SLC8A3: variants seen among roughly 807,000 people sequenced by gnomAD.
SLC8A3 encodes solute carrier family 8 member A3, also known as sodium/calcium exchanger 3.
In SLC8A3, 37 loss-of-function variants were observed where a neutral mutation model predicts 65.4. That is an observed-to-expected ratio of 0.57 (90% CI 0.44 to 0.74). The LOEUF (loss-of-function observed/expected upper bound fraction) is 0.74. Ranked by LOEUF, SLC8A3 falls within the 30% of genes least tolerant of loss-of-function variation. The probability of loss-of-function intolerance (pLI) is 0.00; values close to 1 mark genes in which losing one functional copy is unlikely to be tolerated. For missense variants in SLC8A3, 1,112 were observed against 1,172.1 expected (o/e 0.95, Z 0.75); for synonymous variants, 461 against 444.5 (o/e 1.04, Z -0.47).
In SLC8A3 at chr14:70,046,050, G is replaced by A; in HGVS notation, c.2663C>T (p.Pro888Leu). ...RPHLGGELGG[P>L]RGCKLATTWL... ...TGTTGTGGCGAGCTTGCAGCCACGG[G>A]GGCCACCAAGCTCCCCTCCCAGGTG... Residue 888 changes from proline (P) to leucine (L), a missense_variant, in exon 7 of 7, where the codon CCC becomes CTC. Pro to Leu is a moderately conservative substitution (Grantham distance 98). Coordinates refer to ENST00000356921, the MANE Select transcript of SLC8A3 (RefSeq NM_182932.3). The surrounding 1 kb of genome is among the most constrained non-coding windows in gnomAD (Gnocchi z 4.2). The A allele has an allele frequency of 6.2e-7, 1 of 1,614,050 alleles. No homozygotes were observed. The highest frequency in any genetic ancestry group is 8.5e-7 in the Non-Finnish European group (1 of 1,179,960).
intron 2 of SLC8A3, among the ~76,000 whole-genome samples, chr14:70,071,280 T>C (rs887113810): frequency 1.3e-5 from 2 of 152,216 alleles, no homozygotes; most frequent in Non-Finnish European, 2.9e-5. Context: ...TGTGCTGTTA[T>C]CACTCCTGAA....
chr14:70,168,928 T>C (rs1897330647), intron 1 of SLC8A3, among the ~76,000 whole-genome samples: 1 of 152,340 alleles, frequency 6.6e-6, no homozygotes, highest in East Asian at 1.9e-4. Flanking sequence ...GTATATTGAA[T>C]TGAATTTTCA....
chr14:70,165,416 G>A (rs938705067), intron 2 of SLC8A3, among the ~76,000 whole-genome samples: 4 of 152,082 alleles, frequency 2.6e-5, no homozygotes, highest in African/African-American at 7.2e-5. Flanking sequence ...CTCTTCTAGA[G>A]GTTGTATGGC....
intron 2 of SLC8A3, among the ~76,000 whole-genome samples, chr14:70,125,725 C>G (rs1296147786): frequency 1.3e-5 from 2 of 151,974 alleles, no homozygotes; most frequent in Non-Finnish European, 2.9e-5. Flanking sequence ...TATGGTAGTT[C>G]TATTTTCAGT....
intron 2 of SLC8A3, among the ~76,000 whole-genome samples, chr14:70,086,112 G>A (rs1891413787): frequency 6.6e-6 from 1 of 152,158 alleles, no homozygotes; most frequent in Non-Finnish European, 1.5e-5. Context: ...TTTATAGCCA[G>A]CATTTATTGA....
chr14:70,152,449 T>C (rs1896327592), intron 2 of SLC8A3, among the ~76,000 whole-genome samples: 1 of 151,774 alleles, frequency 6.6e-6, no homozygotes, highest in Non-Finnish European at 1.5e-5. Context: ...TGTCAATCAA[T>C]CTTATACCCT....
At chr14:70,058,243 C>T (rs972575304) in intron 3 of SLC8A3, among the ~76,000 whole-genome samples, 1 of 152,180 alleles carries the variant, frequency 6.6e-6, no homozygotes, top group African/African-American at 2.4e-5. Context: ...TAATGAAAAG[C>T]AATTTCCACT....
chr14:70,048,703 A>G (rs1887079508), intron 6 of SLC8A3, 64 bp downstream of exon 6: 1 of 1,368,136 alleles, frequency 7.3e-7, no homozygotes, highest in Non-Finnish European at 1.0e-6. Context: ...AATGAGATGG[A>G]GTCCAGGGGT....
At chr14:70,131,917 G>C (rs1318328687) in intron 2 of SLC8A3, among the ~76,000 whole-genome samples, 2 of 152,256 alleles carry the variant, frequency 1.3e-5, no homozygotes, top group Admixed American at 1.3e-4. Context: ...GTCAAGGTCT[G>C]TCTTTAACTG....
At chr14:70,055,668 T>G in intron 3 of SLC8A3, 1 of 712,222 alleles carries the variant, frequency 1.4e-6, no homozygotes. Context: ...TCCCAGTCCT[T>G]GGGAGAAATT....
At position 70,055,725 on chromosome 14, in the gene SLC8A3, C is replaced by T. The variant is rs115693046; in HGVS notation, c.1889-3611G>A. ...AGTTCTTATTCAATAAATCAAAGGA[C>T]ATTGGTCTTAAACCAAATAATGGCA... On this transcript the variant is annotated intron_variant, in intron 3 of 6. Transcript: ENST00000356921. 269 of 1,310,196 alleles carry T rather than the reference C, an allele frequency of 2.1e-4. 2 individuals are homozygous for T. In the African/African-American group the frequency reaches 3.3e-3, roughly 16 times the overall value. 81.2% of individuals were successfully genotyped at this position (1,310,196 alleles called of 1,614,324 possible). A position where few individuals can be genotyped will look rare whatever the true frequency, so the allele number is the denominator to read the frequency against.
At chr14:70,152,811 AG>A (rs1224503351) in intron 2 of SLC8A3, among the ~76,000 whole-genome samples, 1 of 152,236 alleles carries the variant, frequency 6.6e-6, no homozygotes, top group African/African-American at 2.4e-5. Context: ...TCCCAGGGAA[AG>A]GTTCTGGGCA....
rs11850883 is a variant in SLC8A3 at position 70,069,910 on chromosome 14, G to T, written c.1785-8971C>A. Among the ~76,000 whole-genome samples, 1,314 of 152,296 alleles carry T rather than the reference G, an allele frequency of 8.6e-3. 17 individuals are homozygous for T. The highest frequency in any genetic ancestry group is 0.031 in the African/African-American group (1,283 of 41,556). On this transcript the variant is annotated intron_variant, in intron 2 of 6. Coordinates refer to ENST00000356921, the MANE Select transcript of SLC8A3 (RefSeq NM_182932.3). The stretch of plus-strand genomic sequence containing the variant: ...GATCTGGGGTGGGGCCTGAGAGCCT[G>T]CCTTTTTAACAAGGCCCCAGCGTGT...
intron 2 of SLC8A3, among the ~76,000 whole-genome samples, chr14:70,107,585 A>T (rs1473993333): frequency 6.6e-6 from 1 of 152,128 alleles, no homozygotes; most frequent in Non-Finnish European, 1.5e-5. Context: ...TCATGCGAAT[A>T]CCATCCAGTG....
intron 2 of SLC8A3, among the ~76,000 whole-genome samples, chr14:70,109,210 T>TC (rs1555375659): frequency 1.3e-5 from 2 of 149,392 alleles, no homozygotes; most frequent in Admixed American, 6.7e-5. Flanking sequence ...TTTTTTTTTT[T>TC]CACTTTAAGT....
At chr14:70,047,901 A>G (rs1886974823) in intron 6 of SLC8A3, 1 of 152,228 alleles carries the variant, frequency 6.6e-6, no homozygotes, top group African/African-American at 2.4e-5. Flanking sequence ...CGTATGCAGT[A>G]CCTTTTCTTT....
intron 2 of SLC8A3, among the ~76,000 whole-genome samples, chr14:70,086,149 C>G (rs1385270070): frequency 6.6e-6 from 1 of 152,118 alleles, no homozygotes; most frequent in Non-Finnish European, 1.5e-5. Context: ...ACATACTATG[C>G]TAAATGCTTT....
chr14:70,046,062 T>C lies in SLC8A3; in HGVS notation c.2651A>G (p.Glu884Gly). The C allele has an allele frequency of 6.2e-7, 1 of 1,613,926 alleles. No individual in the cohort carries two copies. The highest frequency in any genetic ancestry group is 8.5e-7 in the Non-Finnish European group (1 of 1,179,968). ...LYRRRPHLGG[E>G]LGGPRGCKLA... is the part of the protein sequence containing the mutation. The stretch of plus-strand genomic sequence containing the variant: ...CTTGCAGCCACGGGGGCCACCAAGC[T>C]CCCCTCCCAGGTGCGGCCGCCTTCG... The change falls in exon 7 of 7, where the codon GAG (glutamate) becomes GGG (glycine). Residue 884 changes from glutamate (E) to glycine (G), a missense_variant. Transcript: ENST00000356921. The surrounding 1 kb of genome is among the most constrained non-coding windows in gnomAD (Gnocchi z 4.2).
intron 2 of SLC8A3, among the ~76,000 whole-genome samples, chr14:70,094,274 A>G (rs1382217671): frequency 1.3e-5 from 2 of 152,228 alleles, no homozygotes; most frequent in African/African-American, 2.4e-5. Context: ...ATAGAACACA[A>G]CATTGCTGAG....
Sources: gnomAD v4.1 joint callset for allele counts (sites outside exome capture counted in the v4.1 genomes callset) on GRCh38, gnomAD v4.1.1 for gene constraint, Gnocchi (gnomAD v3.1) non-coding constraint, MANE v1.5 for transcripts, NCBI Gene and HGNC (gene_info 2026-07-23, HGNC 2026-07-21) for gene names.